DCAF6: variants seen among roughly 807,000 people sequenced by gnomAD.
DCAF6 encodes DDB1 and CUL4 associated factor 6, also known as DDB1- and CUL4-associated factor 6.
DCAF6 carries 54 observed loss-of-function variants against 125.1 expected under a neutral mutation model. The ratio of observed to expected loss-of-function variants is 0.43; its 90% CI spans 0.35 to 0.54. The LOEUF is 0.54. DCAF6 is among the 20% of genes least tolerant of loss of function. The pLI, the probability that DCAF6 is intolerant of heterozygous loss-of-function variation, is 0.01. For synonymous variants in DCAF6, 371 were observed against 390.4 expected, an observed-to-expected ratio of 0.95 and a Z score of 0.58; for missense variants, 934 against 1,161.7, an observed-to-expected ratio of 0.80 and a Z score of 2.85.
chr1:168,016,983 G>A (rs1300856790), intron 11 of DCAF6, among the ~76,000 whole-genome samples: 1 of 151,938 alleles, frequency 6.6e-6, no homozygotes, highest in Non-Finnish European at 1.5e-5. Context: ...AAGTGCTGTG[G>A]TAACAAAAGC....
chr1:167,982,809 T>C (rs944255369), intron 4 of DCAF6, among the ~76,000 whole-genome samples: 2 of 152,210 alleles, frequency 1.3e-5, no homozygotes, highest in African/African-American at 4.8e-5. Flanking sequence ...CATTTAAATC[T>C]GGAATCCATC....
chr1:167,969,239 G>C (rs530059137), intron 3 of DCAF6: 5 of 152,254 alleles, frequency 3.3e-5, no homozygotes, highest in African/African-American at 9.6e-5. Context: ...CTGGCTGGCT[G>C]TTTGAAGCTG....
chr1:167,953,248 C>T (rs1304095133), intron 2 of DCAF6, among the ~76,000 whole-genome samples: 1 of 152,204 alleles, frequency 6.6e-6, no homozygotes, highest in Non-Finnish European at 1.5e-5. Context: ...TCTTCTCTCA[C>T]TTACCTGTAA....
intron 10 of DCAF6, among the ~76,000 whole-genome samples, chr1:168,011,441 A>G (rs1043794621): frequency 6.6e-6 from 1 of 152,088 alleles, no homozygotes. Context: ...ATAGCATATG[A>G]TGTGGTCTGT....
chr1:168,008,926 GCTTTCTCTCTCTCT>G (rs951031484), intron 10 of DCAF6, among the ~76,000 whole-genome samples: 47 of 133,478 alleles, frequency 3.5e-4, no homozygotes, highest in South Asian at 1.0e-3. Context: ...CCACTTGCTT[GCTTTCTCTCTCTCT>G]CTTTCTCTCT....
chr1:167,995,109 C>T (rs1381351169), intron 7 of DCAF6, among the ~76,000 whole-genome samples: 1 of 152,136 alleles, frequency 6.6e-6, no homozygotes, highest in Admixed American at 6.5e-5. Context: ...TCTGCTCTGT[C>T]ATTTTGTTAC....
At chr1:167,885,660 G>A in the DCAF6 span, among the ~76,000 whole-genome samples, 1 of 151,750 alleles carries the variant, frequency 6.6e-6, no homozygotes, top group Non-Finnish European at 1.5e-5. Flanking sequence ...TCTGTCACCT[G>A]GGCTGGAGTG....
chr1:167,921,229 C>T, the DCAF6 span, among the ~76,000 whole-genome samples: 1 of 150,644 alleles, frequency 6.6e-6, no homozygotes, highest in African/African-American at 2.4e-5. Context: ...TTGGTTAGAT[C>T]ATTTTTTTTT....
intron 17 of DCAF6, among the ~76,000 whole-genome samples, chr1:168,057,176 ATG>A (rs1690980647): frequency 6.6e-6 from 1 of 152,138 alleles, no homozygotes; most frequent in Non-Finnish European, 1.5e-5. Flanking sequence ...CATTCTACCT[ATG>A]TGTAATGGTG....
At chr1:167,904,212 C>T in the DCAF6 span, among the ~76,000 whole-genome samples, 2 of 151,698 alleles carry the variant, frequency 1.3e-5, no homozygotes, top group Admixed American at 6.6e-5. Flanking sequence ...CTCAGCCTTC[C>T]GAGCAGCTGG....
chr1:167,923,341 C>T, the DCAF6 span, among the ~76,000 whole-genome samples: 2 of 152,062 alleles, frequency 1.3e-5, no homozygotes, highest in African/African-American at 4.8e-5. Context: ...GTGGTAAATA[C>T]ATACAATGGA....
Position 168,000,672 on chromosome 1 carries a change from ATGAAGTAC to A in DCAF6, c.904-1806_904-1799del, listed in dbSNP as rs1682484239. Among the ~76,000 whole-genome samples the A allele has an allele frequency of 2.0e-5, 3 of 152,302 alleles. No individual in the cohort carries two copies. The South Asian group carries it at 6.2e-4, about 32-fold the overall frequency. On this transcript the variant is annotated intron_variant, in intron 7 of 21. Transcript: ENST00000367840. ...TTGCTAAAATGGGGTATTATGAAAA[ATGAAGTAC>A]TGATACCTGCTACAATATGAATAAA...
chr1:167,939,746 G>A (rs1671939398), intron 1 of DCAF6, among the ~76,000 whole-genome samples: 1 of 150,958 alleles, frequency 6.6e-6, no homozygotes, highest in South Asian at 2.1e-4. Context: ...CTGGGCGACA[G>A]AGGGAAACTC....
At chr1:167,928,557 C>T in the DCAF6 span, among the ~76,000 whole-genome samples, 1 of 152,196 alleles carries the variant, frequency 6.6e-6, no homozygotes, top group South Asian at 2.1e-4. Context: ...AAAAACATTC[C>T]AACTTACTTC....
intron 21 of DCAF6, among the ~76,000 whole-genome samples, chr1:168,071,513 A>T (rs1477003186): frequency 6.6e-6 from 1 of 152,238 alleles, no homozygotes; most frequent in East Asian, 1.9e-4. Context: ...GCACACCTGT[A>T]ATCCCAGCTA....
chr1:167,929,405 G>A, the DCAF6 span, among the ~76,000 whole-genome samples: 1 of 152,010 alleles, frequency 6.6e-6, no homozygotes, highest in African/African-American at 2.4e-5. Context: ...TATGAACTAT[G>A]TTCAAGAATG....
At chr1:167,975,644 C>T (rs930276429) in intron 4 of DCAF6, among the ~76,000 whole-genome samples, 1 of 152,202 alleles carries the variant, frequency 6.6e-6, no homozygotes, top group East Asian at 1.9e-4. Flanking sequence ...CTCCCAGGCT[C>T]AAGCAGTCTT....
intron 2 of DCAF6, 22 bp downstream of exon 2, chr1:167,951,883 A>C: frequency 5.8e-6 from 9 of 1,550,558 alleles, no homozygotes; most frequent in Non-Finnish European, 8.0e-6. Flanking sequence ...TTAATTCTCA[A>C]CTCTGAAGGG....
At chr1:168,008,513 G>C (rs202250) in intron 10 of DCAF6, among the ~76,000 whole-genome samples, 32,344 of 151,894 alleles carry the variant, frequency 0.21, 5,735 homozygotes, top group African/African-American at 0.49. Flanking sequence ...TAATTAATCT[G>C]CCTGTACCTA....
Sources: allele counts gnomAD v4.1 joint callset (sites outside exome capture counted in the v4.1 genomes callset), GRCh38; gene constraint gnomAD v4.1.1; transcripts MANE v1.5; gene names NCBI Gene and HGNC (gene_info 2026-07-23, HGNC 2026-07-21).